LGALS9: variants seen among roughly 807,000 people sequenced by gnomAD.
LGALS9 encodes galectin-9.
Under a neutral mutation model 35.9 loss-of-function variants are expected in LGALS9, and 26 were observed. The observed-to-expected ratio is 0.72, with a 90% CI of 0.53 to 1.01. The LOEUF is 1.01. Ranked by LOEUF, LGALS9 falls within the 50% of genes least tolerant of loss-of-function variation. The pLI is 0.00. For synonymous variants in LGALS9, 149 were observed against 172.2 expected (o/e 0.87, Z 1.06); for missense variants, 347 against 445.8 (o/e 0.78, Z 1.99).
chr17:27,642,432 C>G, intron 4 of LGALS9, 84 bp downstream of exon 4: 3 of 1,578,702 alleles, frequency 1.9e-6, no homozygotes, highest in Non-Finnish European at 1.7e-6. Flanking sequence ...TGGGTGGGCC[C>G]AAGCCAATCT....
rs1266047544 is a variant in LGALS9, at chr17:27,631,226, G to A, written c.-40G>A. ...TTCCCTCTACAAAGGACTTCCTAGT[G>A]GGTGTGAAAGGCAGCGGTGGCCACA... On this transcript the variant is annotated 5_prime_UTR_variant, in exon 1 of 11. Transcript: ENST00000395473. The A allele has an allele frequency of 2.5e-6, 4 of 1,613,932 alleles. No homozygotes were observed. The highest frequency in any genetic ancestry group is 3.3e-5 in the Admixed American group (2 of 59,998).
At chr17:27,633,892 CA>C (rs2074416237) in intron 1 of LGALS9, among the ~76,000 whole-genome samples, 1 of 152,210 alleles carries the variant, frequency 6.6e-6, no homozygotes, top group South Asian at 2.1e-4. Flanking sequence ...ACAGGCAGGT[CA>C]AGTGACTTGG....
At chr17:27,635,879 G>C (rs115538405) in intron 1 of LGALS9, among the ~76,000 whole-genome samples, 1 of 152,304 alleles carries the variant, frequency 6.6e-6, no homozygotes, top group African/African-American at 2.4e-5. Flanking sequence ...ATCCTAGGCC[G>C]TGCTGGTCCA....
intron 2 of LGALS9, among the ~76,000 whole-genome samples, chr17:27,639,383 C>G (rs1364970384): frequency 2.6e-5 from 4 of 151,940 alleles, no homozygotes; most frequent in East Asian, 3.9e-4. Context: ...GAGGGCTTCC[C>G]ACTCCCATCC....
intron 1 of LGALS9, 119 bp downstream of exon 1, chr17:27,631,423 C>T: frequency 7.5e-7 from 1 of 1,334,396 alleles, no homozygotes. Context: ...AAAGAGAACA[C>T]AAGCAGGGCA....
chr17:27,643,258 G>T (rs142502468), intron 4 of LGALS9, among the ~76,000 whole-genome samples: 2 of 152,180 alleles, frequency 1.3e-5, no homozygotes, highest in Non-Finnish European at 2.9e-5. Flanking sequence ...TGGGCTTCTC[G>T]CCCTTTGGTC....
intron 10 of LGALS9, among the ~76,000 whole-genome samples, chr17:27,648,412 C>A (rs1905091002): frequency 6.6e-6 from 1 of 152,172 alleles, no homozygotes; most frequent in Non-Finnish European, 1.5e-5. Flanking sequence ...TAGGACAGTG[C>A]CTGGCAGGTG....
chr17:27,640,387 A>T, intron 2 of LGALS9, 185 bp from the exon 3 acceptor site: 1 of 905,444 alleles, frequency 1.1e-6, no homozygotes, highest in Non-Finnish European at 1.7e-6. Flanking sequence ...AAAATCCAAT[A>T]ATTAAAACAA....
intron 6 of LGALS9, 89 bp downstream of exon 6, chr17:27,645,438 A>T: frequency 1.3e-6 from 2 of 1,529,854 alleles, no homozygotes; most frequent in Non-Finnish European, 1.8e-6. Context: ...GGCCTCTCCC[A>T]TTGGGAGTGG....
rs1454920853 is a variant in LGALS9 at position 27,646,666 on chromosome 17, C to G, written c.669+78C>G. 23 of 1,601,046 alleles carry G rather than the reference C, an allele frequency of 1.4e-5. No individual in the cohort carries two copies. In the South Asian group the frequency reaches 2.5e-4, roughly 18 times the overall value. ...GGGTGAAGGGCCGCTGTGGGGGGAT[C>G]CACTGGCCTTGAAAAATTAAAAGCA... On this transcript the variant is annotated intron_variant, in intron 8 of 10. Transcript: ENST00000395473.
intron 3 of LGALS9, chr17:27,641,050 A>AAGC (rs1904455327): frequency 1.5e-6 from 1 of 649,442 alleles, no homozygotes. Flanking sequence ...TTTGAATTCC[A>AAGC]AGCTCATTCC....
chr17:27,644,102 A>T (rs1368858155), intron 5 of LGALS9: 1 of 156,566 alleles, frequency 6.4e-6, no homozygotes, highest in Non-Finnish European at 1.4e-5. Context: ...CAACCCACGA[A>T]GCTCACGCAG....
chr17:27,639,506 A>T (rs971591274), intron 2 of LGALS9, among the ~76,000 whole-genome samples: 2 of 152,126 alleles, frequency 1.3e-5, no homozygotes, highest in Non-Finnish European at 2.9e-5. Context: ...AAGCTGAAGG[A>T]CTCCAAAGGA....
intron 1 of LGALS9, among the ~76,000 whole-genome samples, chr17:27,635,036 T>G (rs1226993959): frequency 6.6e-6 from 1 of 152,206 alleles, no homozygotes; most frequent in Admixed American, 6.5e-5. Flanking sequence ...ATACCCTAAT[T>G]TATTTCACCT....
At position 27,645,228 on chromosome 17, in the gene LGALS9, A is replaced by G; in HGVS notation, c.541-86A>G. The G allele has an allele frequency of 4.4e-6, 7 of 1,608,076 alleles. No homozygotes were observed. In the South Asian group the frequency reaches 4.4e-5, roughly 10 times the overall value. On this transcript the variant is annotated intron_variant, in intron 5 of 10. Coordinates refer to ENST00000395473, the MANE Select transcript of LGALS9 (RefSeq NM_009587.3). Reference sequence around the variant, plus strand: ...GTCCGGGGAGGCATTTCTGAGCACAAGAGCCTCCCTGGAGTTTTGCCACCA... The same window carrying G: ...GTCCGGGGAGGCATTTCTGAGCACAGGAGCCTCCCTGGAGTTTTGCCACCA...
chr17:27,635,001 G>T (rs770866043), intron 1 of LGALS9, among the ~76,000 whole-genome samples: 4 of 151,950 alleles, frequency 2.6e-5, no homozygotes, highest in Non-Finnish European at 5.9e-5. Flanking sequence ...TCTTTTTAAG[G>T]CTACACAGAA....
chr17:27,634,612 T>C (rs137878389), intron 1 of LGALS9, among the ~76,000 whole-genome samples: 14 of 152,050 alleles, frequency 9.2e-5, no homozygotes, highest in African/African-American at 3.1e-4. Flanking sequence ...GCAAACCAGC[T>C]TCTTCTTGCT....
chr17:27,648,747 G>T (rs1598192029), intron 10 of LGALS9, 89 bp from the exon 11 acceptor site: 4 of 1,598,780 alleles, frequency 2.5e-6, no homozygotes, highest in Non-Finnish European at 3.4e-6. Flanking sequence ...ACTGAGGAGG[G>T]AGGGAGGGTG....
intron 3 of LGALS9, among the ~76,000 whole-genome samples, 173 bp from the exon 4 acceptor site, chr17:27,642,065 T>C (rs967044361): frequency 1.3e-5 from 2 of 152,124 alleles, no homozygotes; most frequent in African/African-American, 2.4e-5. Flanking sequence ...AACTGGAGCC[T>C]GGTAGAGACT....
Sources: allele counts gnomAD v4.1 joint callset (sites outside exome capture counted in the v4.1 genomes callset), GRCh38; gene constraint gnomAD v4.1.1; transcripts MANE v1.5; gene names NCBI Gene and HGNC (gene_info 2026-07-23, HGNC 2026-07-21).